C1orf21: variants seen among roughly 807,000 people sequenced by gnomAD.
C1orf21 encodes chromosome 1 open reading frame 21.
Under a neutral mutation model 18.7 loss-of-function variants are expected in C1orf21, and 3 were observed. The ratio of observed to expected loss-of-function variants is 0.16; its 90% CI spans 0.07 to 0.42. C1orf21 has a LOEUF of 0.42. Ranked by LOEUF, C1orf21 falls within the 10% of genes least tolerant of loss-of-function variation. The pLI, the probability that C1orf21 is intolerant of heterozygous loss-of-function variation, is 0.99. For synonymous variants in C1orf21, 41 were observed against 46.4 expected (o/e 0.88, Z 0.47); for missense variants, 104 against 143.6 (o/e 0.72, Z 1.41).
chr1:184,580,421 G>C lies in C1orf21; in HGVS notation c.190-10318G>C, dbSNP rs561547505. On this transcript the variant is annotated intron_variant, in intron 3 of 5. Coordinates refer to ENST00000235307, the MANE Select transcript of C1orf21 (RefSeq NM_030806.4). ...CTACTGAACTTGAATTTTTTAGTCAGACTTACATAAGCTGAACCAATTGAG... is the reference window on the plus strand; with the variant it reads ...CTACTGAACTTGAATTTTTTAGTCACACTTACATAAGCTGAACCAATTGAG... Among the ~76,000 whole-genome samples, 8 of 152,326 alleles carry C rather than the reference G, an allele frequency of 5.3e-5. No individual in the cohort carries two copies. The East Asian group carries it at 1.5e-3, about 29-fold the overall frequency.
At position 184,627,315 on chromosome 1, in the gene C1orf21, G is replaced by A. The variant is rs1274255937; in HGVS notation, c.*7759G>A. The A allele has an allele frequency of 6.6e-6, 1 of 151,894 alleles. No individual in the cohort carries two copies. Among genetic ancestry groups the A allele is most frequent in the Non-Finnish European group, 1.5e-5 (1 of 67,986 alleles). 9.4% of individuals were successfully genotyped at this position (151,894 alleles called of 1,614,324 possible). ...TTTTTTTCTCCCCTCCCCACCCCCAGAAAAATAATTAGAAAAATGTTTAGG... is the reference window on the plus strand; with the variant it reads ...TTTTTTTCTCCCCTCCCCACCCCCAAAAAAATAATTAGAAAAATGTTTAGG... On this transcript the variant is annotated 3_prime_UTR_variant, in exon 6 of 6. Coordinates refer to ENST00000235307, the MANE Select transcript of C1orf21 (RefSeq NM_030806.4).
intron 3 of C1orf21, 146 bp downstream of exon 3, chr1:184,507,828 A>G (rs1658086803): frequency 3.2e-6 from 2 of 631,532 alleles, no homozygotes; most frequent in Non-Finnish European, 5.3e-6. Context: ...TGGAAGCTGC[A>G]CCATTACTCC....
At chr1:184,493,319 A>G (rs1399974008) in intron 2 of C1orf21, among the ~76,000 whole-genome samples, 1 of 152,232 alleles carries the variant, frequency 6.6e-6, no homozygotes, top group Non-Finnish European at 1.5e-5. Context: ...ATAAATGTAC[A>G]TTTACATTTT....
chr1:184,490,270 A>C (rs1657797814), intron 2 of C1orf21, among the ~76,000 whole-genome samples: 1 of 152,238 alleles, frequency 6.6e-6, no homozygotes, highest in African/African-American at 2.4e-5. Flanking sequence ...CCCTGCCTTT[A>C]AGGAACTGGT....
chr1:184,578,993 T>TAAAAAAAAAAA (rs67905484), intron 3 of C1orf21, among the ~76,000 whole-genome samples: 1 of 121,690 alleles, frequency 8.2e-6, no homozygotes, highest in Non-Finnish European at 1.7e-5. Flanking sequence ...TTGTGAAGGT[T>TAAAAAAAAAAA]AAAAAAAAAA....
At position 184,579,177 on chromosome 1, in the gene C1orf21, A is replaced by G. The variant is rs535534025; in HGVS notation, c.190-11562A>G. Among the ~76,000 whole-genome samples, 6 of 149,254 alleles carry G rather than the reference A, an allele frequency of 4.0e-5. No homozygotes were observed. The South Asian group carries it at 1.1e-3, about 27-fold the overall frequency. On this transcript the variant is annotated intron_variant, in intron 3 of 5. Transcript: ENST00000235307. Reference sequence around the variant, plus strand: ...TTCAGCCTCCTGAGTAGCTGGGACTACAGGAGTGCACCACCATGCCTGGCT... The same window carrying G: ...TTCAGCCTCCTGAGTAGCTGGGACTGCAGGAGTGCACCACCATGCCTGGCT...
chr1:184,574,110 C>T (rs971084897), intron 3 of C1orf21, among the ~76,000 whole-genome samples: 1 of 152,068 alleles, frequency 6.6e-6, no homozygotes, highest in African/African-American at 2.4e-5. Flanking sequence ...GAGGCTGATA[C>T]AGGAGAATCG....
intron 3 of C1orf21, among the ~76,000 whole-genome samples, chr1:184,516,798 G>C (rs1211246848): frequency 6.6e-6 from 1 of 152,204 alleles, no homozygotes; most frequent in Non-Finnish European, 1.5e-5. Flanking sequence ...TTCAAAGTGA[G>C]ATTTGGGTGG....
intron 3 of C1orf21, among the ~76,000 whole-genome samples, chr1:184,560,827 G>A (rs1193168101): frequency 6.6e-6 from 1 of 152,186 alleles, no homozygotes; most frequent in Non-Finnish European, 1.5e-5. Context: ...ACTTTACATT[G>A]AATGATTCTT....
chr1:184,492,932 A>G (rs897119337), intron 2 of C1orf21, among the ~76,000 whole-genome samples: 5 of 152,208 alleles, frequency 3.3e-5, no homozygotes, highest in Admixed American at 6.5e-5. Context: ...CTCAAGAGCT[A>G]CTGTACTATG....
At chr1:184,617,233 G>A (rs79447689) in intron 5 of C1orf21, among the ~76,000 whole-genome samples, 1,998 of 152,194 alleles carry the variant, frequency 0.013, 36 homozygotes, top group African/African-American at 0.045. Context: ...CAATTTGTGC[G>A]CTGTCAAACA....
chr1:184,449,193 T>TC lies in C1orf21; in HGVS notation c.-124-28188dup, dbSNP rs1273470659. ...TAGGTGTATCTCCTAATGCTATCCC[T>TC]CCCCCTTCCCCCCACCCTACAACAG... On this transcript the variant is annotated intron_variant, in intron 1 of 5. Transcript: ENST00000235307. 3.0e-3 allele frequency among the ~76,000 whole-genome samples: 419 copies of TC among 141,124 alleles called. 4 individuals are homozygous for TC. The highest frequency in any genetic ancestry group is 0.018 in the Admixed American group (248 of 13,430). 92.6% of individuals were successfully genotyped at this position (141,124 alleles called of 152,430 possible).
intron 3 of C1orf21, among the ~76,000 whole-genome samples, chr1:184,546,840 A>G (rs1348076266): frequency 6.6e-6 from 1 of 152,212 alleles, no homozygotes; most frequent in Non-Finnish European, 1.5e-5. Flanking sequence ...GTCCAGCTGG[A>G]CAAAGCCCAG....
In C1orf21 at chr1:184,563,398, G is replaced by T. The variant is rs183644107; in HGVS notation, c.190-27341G>T. ...GTTGGTTAAAAGTTACCAAGCTGAG[G>T]TTAAATGGGTTTTAATTAAAAATTA... On this transcript the variant is annotated intron_variant, in intron 3 of 5. Transcript: ENST00000235307. Among the ~76,000 whole-genome samples the T allele has an allele frequency of 3.7e-3, 559 of 152,270 alleles. 2 individuals carry two copies. Among genetic ancestry groups the T allele is most frequent in the Admixed American group, 6.0e-3 (92 of 15,292 alleles).
At chr1:184,465,427 ATAAG>A (rs1260308977) in intron 1 of C1orf21, among the ~76,000 whole-genome samples, 4 of 152,230 alleles carry the variant, frequency 2.6e-5, no homozygotes, top group South Asian at 4.1e-4. Flanking sequence ...CCGATTAATA[ATAAG>A]TAAGAGATTT....
intron 5 of C1orf21, among the ~76,000 whole-genome samples, chr1:184,598,833 A>G (rs1227548400): frequency 6.6e-6 from 1 of 152,226 alleles, no homozygotes; most frequent in Non-Finnish European, 1.5e-5. Flanking sequence ...TCGAGGGCCT[A>G]TGCATGGCAC....
chr1:184,409,233 C>T (rs1656295211), intron 1 of C1orf21, among the ~76,000 whole-genome samples: 1 of 152,108 alleles, frequency 6.6e-6, no homozygotes. Flanking sequence ...GCTGAGAGGC[C>T]CAGAAAATCT....
intron 3 of C1orf21, among the ~76,000 whole-genome samples, chr1:184,507,886 A>T (rs1318011293): frequency 1.3e-5 from 2 of 152,162 alleles, no homozygotes; most frequent in Admixed American, 6.5e-5. Flanking sequence ...CTTGATGGGG[A>T]ATGCTCCATA....
At chr1:184,585,329 A>C (rs61825240) in intron 3 of C1orf21, among the ~76,000 whole-genome samples, 690 of 152,326 alleles carry the variant, frequency 4.5e-3, no homozygotes, top group Middle Eastern at 0.014. Context: ...CTGGTGCCTT[A>C]GCCTAAACCA....
Sources: allele counts gnomAD v4.1 joint callset (sites outside exome capture counted in the v4.1 genomes callset), GRCh38; gene constraint gnomAD v4.1.1; transcripts MANE v1.5; gene names NCBI Gene and HGNC (gene_info 2026-07-23, HGNC 2026-07-21).